RFC3: variants seen among roughly 807,000 people sequenced by gnomAD.
RFC3 encodes replication factor C subunit 3.
In RFC3, 41 loss-of-function variants were observed where a neutral mutation model predicts 45.1. That is an observed-to-expected ratio of 0.91 (90% CI 0.71 to 1.18). The LOEUF (loss-of-function observed/expected upper bound fraction) is 1.18. Ranked by LOEUF, RFC3 falls within the 50% of genes most tolerant of loss-of-function variation. The pLI is 0.00. For missense variants in RFC3, 423 were observed against 428.1 expected (o/e 0.99, Z 0.10); for synonymous variants, 149 against 144.0 (o/e 1.03, Z -0.25).
chr13:33,885,681 T>C (rs919054785), intron 8 of RFC3, among the ~76,000 whole-genome samples: 4 of 152,216 alleles, frequency 2.6e-5, no homozygotes, highest in African/African-American at 9.7e-5. Flanking sequence ...GGAAAAATAA[T>C]TATCTACTAG....
At chr13:33,868,740 C>G (rs866907453) in intron 8 of RFC3, among the ~76,000 whole-genome samples, 1 of 152,172 alleles carries the variant, frequency 6.6e-6, no homozygotes, top group African/African-American at 2.4e-5. Flanking sequence ...AGTGTACTTT[C>G]ATTTCAATAG....
chr13:33,943,785 G>T (rs1021002847), intron 8 of RFC3, among the ~76,000 whole-genome samples: 1 of 151,304 alleles, frequency 6.6e-6, no homozygotes, highest in Non-Finnish European at 1.5e-5. Context: ...CTCTTATTTT[G>T]ATTAAAGTCA....
Position 33,959,976 on chromosome 13 carries a change from T to G in RFC3, c.880-6111T>G, listed in dbSNP as rs573009376. Among the ~76,000 whole-genome samples, 4 of 152,112 alleles carry G rather than the reference T, an allele frequency of 2.6e-5. No individual in the cohort carries two copies. The South Asian group carries it at 6.2e-4, about 24-fold the overall frequency. On this transcript the variant is annotated intron_variant, in intron 8 of 8. Transcript: ENST00000434425. ...AAGTGGGAGCTTGTAGGTCACATAG[T>G]GAAAGCAGGAGCAAGAGAGAGTGTC...
At chr13:33,935,770 G>C (rs1221608051) in intron 8 of RFC3, among the ~76,000 whole-genome samples, 3 of 152,168 alleles carry the variant, frequency 2.0e-5, no homozygotes, top group Non-Finnish European at 4.4e-5. Flanking sequence ...CACAGCATTA[G>C]CATTTCACCT....
chr13:33,824,082 T>TA, intron 3 of RFC3, 98 bp downstream of exon 3: 1 of 595,030 alleles, frequency 1.7e-6, no homozygotes, highest in South Asian at 2.4e-5. Flanking sequence ...AATAAATTGA[T>TA]ACGTGTGGAA....
At chr13:33,892,044 C>G (rs1051589869) in intron 8 of RFC3, among the ~76,000 whole-genome samples, 1 of 151,990 alleles carries the variant, frequency 6.6e-6, no homozygotes, top group African/African-American at 2.4e-5. Flanking sequence ...CCAAAATAAC[C>G]AAACAATTTG....
At chr13:33,906,373 A>G (rs561820796) in intron 8 of RFC3, among the ~76,000 whole-genome samples, 2 of 151,864 alleles carry the variant, frequency 1.3e-5, no homozygotes, top group Admixed American at 1.3e-4. Flanking sequence ...TGGTTTGACC[A>G]GTTGTAGGTT....
At chr13:33,828,488 T>C (rs1200215291) in intron 4 of RFC3, among the ~76,000 whole-genome samples, 1 of 152,226 alleles carries the variant, frequency 6.6e-6, no homozygotes, top group Admixed American at 6.5e-5. Context: ...CAGGGTTCCC[T>C]TGCTCTCACC....
At chr13:33,938,352 A>T (rs1480133662) in intron 8 of RFC3, among the ~76,000 whole-genome samples, 1 of 152,160 alleles carries the variant, frequency 6.6e-6, no homozygotes, top group African/African-American at 2.4e-5. Flanking sequence ...TATATTTTTT[A>T]ACTTTTTATT....
At chr13:33,969,884 T>C (rs1394220347), downstream of RFC3, among the ~76,000 whole-genome samples, 1 of 152,140 alleles carries the variant, frequency 6.6e-6, no homozygotes, top group Non-Finnish European at 1.5e-5. Flanking sequence ...TCCAAAGATA[T>C]TAAGTGGCTA....
chr13:33,934,171 A>G lies in RFC3; in HGVS notation c.880-31916A>G, dbSNP rs933237812. The stretch of plus-strand genomic sequence containing the variant: ...ACATAGCAAGACTTCATCTCTACTA[A>G]AAGAAAAAAAAAAAATCTGGGTGCA... On this transcript the variant is annotated intron_variant, in intron 8 of 8. Transcript: ENST00000434425. 3.5e-5 allele frequency among the ~76,000 whole-genome samples: 5 copies of G among 142,934 alleles called. No individual in the cohort carries two copies. In the Admixed American group the frequency reaches 3.6e-4, roughly 10 times the overall value. The allele number at this position is 142,934 out of a possible 152,430, so 93.8% of individuals were successfully genotyped here.
chr13:33,834,919 A>G (rs954410201), intron 7 of RFC3, among the ~76,000 whole-genome samples: 11 of 152,178 alleles, frequency 7.2e-5, no homozygotes, highest in African/African-American at 2.7e-4. Context: ...TCAAAAATGA[A>G]CTGAAGTTAG....
chr13:33,955,471 G>A (rs762417512), intron 8 of RFC3, among the ~76,000 whole-genome samples: 3 of 152,052 alleles, frequency 2.0e-5, no homozygotes, highest in Non-Finnish European at 4.4e-5. Context: ...ATAAACAGGC[G>A]CTTACCTGAA....
chr13:33,965,942 C>T (rs1194017611), intron 8 of RFC3: 2 of 625,816 alleles, frequency 3.2e-6, no homozygotes, highest in Admixed American at 5.5e-5. Context: ...TTGTCTTTGC[C>T]TTATTTTCTT....
intron 8 of RFC3, among the ~76,000 whole-genome samples, chr13:33,869,150 C>T (rs1034359615): frequency 5.9e-5 from 9 of 152,216 alleles, no homozygotes; most frequent in Non-Finnish European, 1.3e-4. Flanking sequence ...CCCTGCTGTT[C>T]ACTCTACTCT....
chr13:33,836,674 G>A lies in RFC3; in HGVS notation c.*379G>A. On this transcript the variant is annotated 3_prime_UTR_variant, in exon 9 of 9. Coordinates refer to ENST00000380071, the MANE Select transcript of RFC3 (RefSeq NM_002915.4). ...ATCCAGATGACCATTTTCTGCCACAGGTAACATGATTGTTTGACACACCAT... is the reference window on the plus strand; with the variant it reads ...ATCCAGATGACCATTTTCTGCCACAAGTAACATGATTGTTTGACACACCAT... 3.0e-6 allele frequency: 3 copies of A among 990,032 alleles called. No homozygotes were observed. The highest frequency in any genetic ancestry group is 3.6e-6 in the Non-Finnish European group (3 of 832,842). The allele number at this position is 990,032 out of a possible 1,614,324, so 61.3% of individuals were successfully genotyped here. A position where few individuals can be genotyped will look rare whatever the true frequency, so the allele number is the denominator to read the frequency against.
chr13:33,896,589 T>C lies in RFC3; in HGVS notation c.879+61372T>C, dbSNP rs562689201. Reference sequence around the variant, plus strand: ...AAATACAAAAAGTAGCTAGGAGTGGTGGTCCCCAGTTACTTGGGAGGCTGA... The same window carrying C: ...AAATACAAAAAGTAGCTAGGAGTGGCGGTCCCCAGTTACTTGGGAGGCTGA... On this transcript the variant is annotated intron_variant, in intron 8 of 8. Transcript: ENST00000434425. Among the ~76,000 whole-genome samples the C allele has an allele frequency of 7.9e-5, 12 of 150,954 alleles. No individual in the cohort carries two copies. The South Asian group carries it at 2.5e-3, about 31-fold the overall frequency.
In RFC3 at chr13:33,836,731, A is replaced by C. The variant is rs2082158425; in HGVS notation, c.*436A>C. 1.0e-6 allele frequency: 1 copy of C among 985,008 alleles called. No homozygotes were observed. The allele number at this position is 985,008 out of a possible 1,614,324, so 61.0% of individuals were successfully genotyped here. ...TAATTCTAGTTTCTCTCAATGAATA[A>C]TTGTATTTTTGTAGGAAATGTAAGA... On this transcript the variant is annotated 3_prime_UTR_variant, in exon 9 of 9. Coordinates refer to ENST00000380071, the MANE Select transcript of RFC3 (RefSeq NM_002915.4).
At chr13:33,966,025 G>T (rs1593723858) in intron 8 of RFC3, 1 of 1,185,134 alleles carries the variant, frequency 8.4e-7, no homozygotes, top group East Asian at 2.3e-5. Flanking sequence ...ATCCTCTATG[G>T]AATCTCATTC....
Sources: gnomAD v4.1 joint callset for allele counts (sites outside exome capture counted in the v4.1 genomes callset) on GRCh38, gnomAD v4.1.1 for gene constraint, MANE v1.5 for transcripts, NCBI Gene and HGNC (gene_info 2026-07-23, HGNC 2026-07-21) for gene names.